Variants in TMEM132B observed in about 807,000 individuals in gnomAD.
TMEM132B encodes transmembrane protein 132B.
Under a neutral mutation model 90.8 loss-of-function variants are expected in TMEM132B, and 18 were observed. The ratio of observed to expected loss-of-function variants is 0.20; its 90% CI spans 0.14 to 0.29. The LOEUF (loss-of-function observed/expected upper bound fraction) is 0.29, where lower values mean the gene tolerates loss of function less well. TMEM132B is among the 10% of genes least tolerant of loss of function. The pLI is 1.00. For missense variants in TMEM132B, 1,096 were observed against 1,326.8 expected (o/e 0.83, Z 2.70); for synonymous variants, 504 against 523.3 (o/e 0.96, Z 0.50).
intron 1 of TMEM132B, among the ~76,000 whole-genome samples, chr12:125,257,940 G>T (rs1300511808): frequency 6.6e-6 from 1 of 152,172 alleles, no homozygotes; most frequent in Non-Finnish European, 1.5e-5. Context: ...TTGAACTTCT[G>T]GCTTCCAGAA....
chr12:125,302,189 A>C (rs1875845844), intron 1 of TMEM132B, among the ~76,000 whole-genome samples: 1 of 151,020 alleles, frequency 6.6e-6, no homozygotes, highest in African/African-American at 2.4e-5. Flanking sequence ...ACAGAGGGAG[A>C]CTCTGTCTCA....
chr12:125,189,602 G>T (rs908468864), intron 1 of TMEM132B, among the ~76,000 whole-genome samples: 11 of 152,164 alleles, frequency 7.2e-5, no homozygotes, highest in African/African-American at 2.7e-4. Flanking sequence ...GTATGCAAAT[G>T]TCGTCGCCTT....
chr12:125,649,645 A>G (rs989753420), intron 6 of TMEM132B, among the ~76,000 whole-genome samples: 2 of 152,218 alleles, frequency 1.3e-5, no homozygotes, highest in African/African-American at 4.8e-5. Flanking sequence ...AAGAAGACAC[A>G]CAGTAGGTCT....
intron 4 of TMEM132B, among the ~76,000 whole-genome samples, chr12:125,531,412 C>A (rs1883644452): frequency 6.6e-6 from 1 of 152,146 alleles, no homozygotes; most frequent in Non-Finnish European, 1.5e-5. Flanking sequence ...TGTTCTCTAA[C>A]TCCTGGGCTC....
intron 8 of TMEM132B, 51 bp downstream of exon 8, chr12:125,652,683 C>G (rs371110418): frequency 6.4e-7 from 1 of 1,558,712 alleles, no homozygotes; most frequent in Non-Finnish European, 8.7e-7. Context: ...TGACTTCTCT[C>G]TCAGTTAGCA....
chr12:125,297,305 T>G (rs752019501), intron 1 of TMEM132B, among the ~76,000 whole-genome samples: 3 of 152,200 alleles, frequency 2.0e-5, no homozygotes, highest in Non-Finnish European at 2.9e-5. Context: ...CTGCATGGTG[T>G]AGACCTGACA....
intron 2 of TMEM132B, among the ~76,000 whole-genome samples, chr12:125,361,681 G>T (rs1392291791): frequency 6.6e-6 from 1 of 152,214 alleles, no homozygotes; most frequent in African/African-American, 2.4e-5. Flanking sequence ...CCTGCACATT[G>T]TGCTTAGCTG....
chr12:125,548,308 A>G (rs1391840115), intron 4 of TMEM132B, among the ~76,000 whole-genome samples: 5 of 152,194 alleles, frequency 3.3e-5, no homozygotes, highest in Non-Finnish European at 7.4e-5. Flanking sequence ...AATACCTCCT[A>G]TCATGTTGCA....
chr12:125,530,262 TGAC>T (rs1379263737), intron 4 of TMEM132B, among the ~76,000 whole-genome samples: 1 of 152,034 alleles, frequency 6.6e-6, no homozygotes, highest in Non-Finnish European at 1.5e-5. Context: ...ATTTCCCTAT[TGAC>T]GAATATTTAG....
chr12:125,265,310 GT>G (rs1316070007), intron 1 of TMEM132B, among the ~76,000 whole-genome samples: 1 of 148,018 alleles, frequency 6.8e-6, no homozygotes, highest in Admixed American at 6.6e-5. Context: ...TATATAGGCT[GT>G]TTTTTCTATA....
At chr12:125,332,617 T>A (rs1313401799) in intron 1 of TMEM132B, among the ~76,000 whole-genome samples, 1 of 113,878 alleles carries the variant, frequency 8.8e-6, no homozygotes, top group Admixed American at 9.7e-5. Context: ...TTTTTTTTTT[T>A]TAAGACAGTA....
At chr12:125,298,138 C>T (rs1593074316) in intron 1 of TMEM132B, among the ~76,000 whole-genome samples, 1 of 152,078 alleles carries the variant, frequency 6.6e-6, no homozygotes, top group African/African-American at 2.4e-5. Flanking sequence ...AGCCTGTGTT[C>T]CCAGCTACTG....
intron 1 of TMEM132B, among the ~76,000 whole-genome samples, chr12:125,208,398 G>A (rs770163789): frequency 6.6e-6 from 1 of 152,124 alleles, no homozygotes; most frequent in Non-Finnish European, 1.5e-5. Context: ...GTTACAAAAC[G>A]TTTTCATCAC....
chr12:125,429,162 A>G (rs1880422453), intron 3 of TMEM132B, among the ~76,000 whole-genome samples: 1 of 151,238 alleles, frequency 6.6e-6, no homozygotes, highest in Non-Finnish European at 1.5e-5. Context: ...TAGAGTCCAT[A>G]GTTTATTCAA....
intron 1 of TMEM132B, among the ~76,000 whole-genome samples, chr12:125,346,490 G>A (rs577181233): frequency 7.9e-4 from 120 of 152,286 alleles, no homozygotes; most frequent in South Asian, 3.5e-3. Flanking sequence ...TCCTGCTGAC[G>A]GTGTTCCTGT....
chr12:125,583,859 G>A lies in TMEM132B; in HGVS notation c.1302G>A (p.Glu434=), dbSNP rs1273643221. ...VGIVPLAMDT[E]VLNTAILTGK... is the part of the protein sequence containing the mutation. ...TCTCCTCTCCTGTTTAGGACACCGA[G>A]GTTTTGAACACTGCCATTCTCACTG... Residue 434 remains glutamate (E), a synonymous_variant, in exon 5 of 9, where the codon GAG becomes GAA. Coordinates refer to ENST00000682704, the MANE Select transcript of TMEM132B (RefSeq NM_001366854.1). The A allele has an allele frequency of 2.5e-6, 4 of 1,613,938 alleles. No individual in the cohort carries two copies. Among genetic ancestry groups the A allele is most frequent in the African/African-American group, 1.3e-5 (1 of 74,876 alleles).
intron 2 of TMEM132B, among the ~76,000 whole-genome samples, chr12:125,388,289 C>A (rs759613328): frequency 6.6e-6 from 1 of 151,950 alleles, no homozygotes; most frequent in Non-Finnish European, 1.5e-5. Context: ...AGTAGCTGGG[C>A]GTGGTGGTGC....
At chr12:125,195,813 C>G (rs1343654924) in intron 1 of TMEM132B, among the ~76,000 whole-genome samples, 1 of 152,022 alleles carries the variant, frequency 6.6e-6, no homozygotes, top group African/African-American at 2.4e-5. Flanking sequence ...GCAGAGGGAA[C>G]AGCAGGTGTA....
At chr12:125,563,607 A>AAAAAAAAC (rs374367688) in intron 4 of TMEM132B, among the ~76,000 whole-genome samples, 1 of 149,696 alleles carries the variant, frequency 6.7e-6, no homozygotes, top group Admixed American at 6.7e-5. Flanking sequence ...ACAAAAAAAA[A>AAAAAAAAC]CCCCACAGTA....
Sources: gnomAD v4.1 joint callset for allele counts (sites outside exome capture counted in the v4.1 genomes callset) on GRCh38, gnomAD v4.1.1 for gene constraint, MANE v1.5 for transcripts, NCBI Gene and HGNC (gene_info 2026-07-23, HGNC 2026-07-21) for gene names.